The following NAA40 variants were observed in gnomAD, a reference collection of about 807,000 sequenced individuals.
The protein encoded by NAA40 is N-alpha-acetyltransferase 40.
In NAA40, 26 loss-of-function variants were observed where a neutral mutation model predicts 36.6. The ratio of observed to expected loss-of-function variants is 0.71; its 90% CI spans 0.52 to 0.98. The LOEUF is 0.98. Among genes scored for constraint, NAA40 ranks in the 50% least tolerant of loss-of-function variants. The probability of loss-of-function intolerance (pLI) is 0.00; values close to 1 mark genes in which losing one functional copy is unlikely to be tolerated. For synonymous variants in NAA40, 129 were observed against 108.4 expected, an observed-to-expected ratio of 1.19 and a Z score of -1.18; for missense variants, 237 against 306.5, an observed-to-expected ratio of 0.77 and a Z score of 1.69.
rs1278673521 is a variant in NAA40, at chr11:63,957,212, A to ATATATATATATT, written c.*2734_*2735insATATATATATTT. The stretch of plus-strand genomic sequence containing the variant: ...CCTTGATATATATATATATATATAT[A>ATATATATATATT]TTTTTTTTTTTCTTTAGCAGCTTGT... On this transcript the variant is annotated 3_prime_UTR_variant, in exon 8 of 8. Transcript: ENST00000377793. 6.2e-5 allele frequency: 4 copies of ATATATATATATT among 64,300 alleles called. No individual in the cohort carries two copies. Among genetic ancestry groups the ATATATATATATT allele is most frequent in the African/African-American group, 1.7e-4 (4 of 23,942 alleles). The allele number at this position is 64,300 out of a possible 1,614,324, so 4.0% of individuals were successfully genotyped here.
intron 3 of NAA40, among the ~76,000 whole-genome samples, chr11:63,949,660 C>G (rs1250858704): frequency 6.6e-6 from 1 of 151,660 alleles, no homozygotes; most frequent in Non-Finnish European, 1.5e-5. Flanking sequence ...TTCTTAATAA[C>G]TCTACTTGGA....
chr11:63,950,584 G>A (rs1007307314), intron 3 of NAA40, among the ~76,000 whole-genome samples: 7 of 151,670 alleles, frequency 4.6e-5, no homozygotes, highest in Non-Finnish European at 8.8e-5. Context: ...TGCCTCAGCC[G>A]CCGGAGTAGC....
intron 3 of NAA40, among the ~76,000 whole-genome samples, chr11:63,950,285 AT>A (rs777814278): frequency 7.7e-4 from 117 of 151,434 alleles, no homozygotes; most frequent in Non-Finnish European, 1.1e-3. Context: ...CGCCCTGCTA[AT>A]TTTTGTATTT....
chr11:63,952,907 C>G, intron 6 of NAA40, 68 bp downstream of exon 6: 1 of 1,399,028 alleles, frequency 7.1e-7, no homozygotes, highest in Non-Finnish European at 1.0e-6. Context: ...GAGGCACTTG[C>G]CATTCTTTGA....
At chr11:63,946,477 T>A in intron 2 of NAA40, 1 of 1,088,470 alleles carries the variant, frequency 9.2e-7, no homozygotes, top group Non-Finnish European at 1.1e-6. Flanking sequence ...AGTGCTGGGA[T>A]TACAGGCGTG....
At chr11:63,941,102 C>T (rs728919) in intron 1 of NAA40, among the ~76,000 whole-genome samples, 78,760 of 152,088 alleles carry the variant, frequency 0.52, 21,924 homozygotes, top group East Asian at 0.87. Flanking sequence ...GCGATCCTTG[C>T]TTCCTTTAGG....
intron 3 of NAA40, among the ~76,000 whole-genome samples, chr11:63,951,092 C>T (rs1054480269): frequency 6.6e-6 from 1 of 152,106 alleles, no homozygotes; most frequent in African/African-American, 2.4e-5. Context: ...GATGGGATTC[C>T]AGTGCGTACA....
rs1380774654 is a variant in NAA40, at chr11:63,955,666, T to A, written c.*1187T>A. On this transcript the variant is annotated 3_prime_UTR_variant, in exon 8 of 8. Coordinates refer to ENST00000377793, the MANE Select transcript of NAA40 (RefSeq NM_024771.4). Reference sequence around the variant, plus strand: ...AGAAATGCCTCTCAGTGGCCAACAGTTGCTTTTCTCTCTGGTGTCACCCTG... The same window carrying A: ...AGAAATGCCTCTCAGTGGCCAACAGATGCTTTTCTCTCTGGTGTCACCCTG... 1 of 152,460 alleles carries A rather than the reference T, an allele frequency of 6.6e-6. No homozygotes were observed. Among genetic ancestry groups the A allele is most frequent in the Non-Finnish European group, 1.5e-5 (1 of 68,090 alleles). The allele number at this position is 152,460 out of a possible 1,614,324, so 9.4% of individuals were successfully genotyped here. A position where few individuals can be genotyped will look rare whatever the true frequency, so the allele number is the denominator to read the frequency against.
intron 6 of NAA40, among the ~76,000 whole-genome samples, chr11:63,953,260 G>A (rs1021811739): frequency 6.6e-6 from 1 of 151,960 alleles, no homozygotes; most frequent in Non-Finnish European, 1.5e-5. Context: ...GTTAAGGCTG[G>A]TCTCGAACTC....
intron 3 of NAA40, among the ~76,000 whole-genome samples, chr11:63,949,116 A>G (rs918005083): frequency 6.6e-6 from 1 of 151,930 alleles, no homozygotes; most frequent in Admixed American, 6.6e-5. Context: ...AGCCTGGGAG[A>G]TGCAGGCTGC....
In NAA40 at chr11:63,957,059, T is replaced by G. The variant is rs1323077254; in HGVS notation, c.*2580T>G. ...TTTGTTTGGAGCATGTTAAGATTTT[T>G]TTAAGATTTTTAAAATTTTAGTTAT... On this transcript the variant is annotated 3_prime_UTR_variant, in exon 8 of 8. Coordinates refer to ENST00000377793, the MANE Select transcript of NAA40 (RefSeq NM_024771.4). 1 of 151,932 alleles carries G rather than the reference T, an allele frequency of 6.6e-6. No homozygotes were observed. The highest frequency in any genetic ancestry group is 2.4e-5 in the African/African-American group (1 of 41,388). The allele number at this position is 151,932 out of a possible 1,614,324, so 9.4% of individuals were successfully genotyped here. A position where few individuals can be genotyped will look rare whatever the true frequency, so the allele number is the denominator to read the frequency against.
At chr11:63,939,653 A>C in intron 1 of NAA40, 1 of 189,116 alleles carries the variant, frequency 5.3e-6, no homozygotes, top group South Asian at 1.8e-4. Flanking sequence ...AAACCTCTCC[A>C]CCAGGTTCCT....
rs1213464848 is a variant in NAA40, at chr11:63,955,068, A to ATTTTATGGATTTATGGAT, written c.*591_*592insTTATGGATTTATGGATTT. The ATTTTATGGATTTATGGAT allele has an allele frequency of 2.0e-5, 3 of 152,602 alleles. No individual in the cohort carries two copies. The highest frequency in any genetic ancestry group is 2.0e-4 in the Admixed American group (3 of 15,276). The allele number at this position is 152,602 out of a possible 1,614,324, so 9.5% of individuals were successfully genotyped here. On this transcript the variant is annotated 3_prime_UTR_variant, in exon 8 of 8. Coordinates refer to ENST00000377793, the MANE Select transcript of NAA40 (RefSeq NM_024771.4). ...AAGCTCTTTCCAGCTGTTTTTATGG[A>ATTTTATGGATTTATGGAT]TTCATGGAGTGGGCTCATGTTGGGA...
intron 6 of NAA40, 65 bp from the exon 7 acceptor site, chr11:63,953,907 G>A: frequency 1.4e-6 from 2 of 1,427,418 alleles, no homozygotes; most frequent in South Asian, 2.3e-5. Context: ...TGGGATTACA[G>A]GTGCATGCCA....
chr11:63,939,261 C>T lies in NAA40; in HGVS notation c.6+159C>T, dbSNP rs111454620. On this transcript the variant is annotated intron_variant, in intron 1 of 7. Transcript: ENST00000377793. The stretch of plus-strand genomic sequence containing the variant: ...CCCGACTCCCCCATTCTAAGGGTCC[C>T]TACGCTAGGCCTAGCCCGGGAATCC... 36 of 1,310,542 alleles carry T rather than the reference C, an allele frequency of 2.7e-5. No individual in the cohort carries two copies. In the African/African-American group the frequency reaches 3.6e-4, roughly 13 times the overall value. 81.2% of individuals were successfully genotyped at this position (1,310,542 alleles called of 1,614,324 possible).
chr11:63,940,646 T>C (rs1942094491), intron 1 of NAA40, among the ~76,000 whole-genome samples: 1 of 152,206 alleles, frequency 6.6e-6, no homozygotes, highest in Non-Finnish European at 1.5e-5. Flanking sequence ...TAAAATGGAT[T>C]TGTGCTATTT....
In NAA40 at chr11:63,953,074, G is replaced by A. The variant is rs1590759659; in HGVS notation, c.494+235G>A. Among the ~76,000 whole-genome samples the A allele has an allele frequency of 2.4e-5, 3 of 123,140 alleles. No homozygotes were observed. In the Admixed American group the frequency reaches 2.9e-4, roughly 12 times the overall value. 80.8% of individuals were successfully genotyped at this position (123,140 alleles called of 152,430 possible). On this transcript the variant is annotated intron_variant, in intron 6 of 7. Transcript: ENST00000377793. ...TTTTTTTTTTTTTTTTTGAGACAGA[G>A]TTTCACTCTTGTTGCCCGGGCTGGA...
At chr11:63,943,348 A>G (rs1000517014) in intron 1 of NAA40, among the ~76,000 whole-genome samples, 1 of 152,154 alleles carries the variant, frequency 6.6e-6, no homozygotes, top group Non-Finnish European at 1.5e-5. Flanking sequence ...CTGTGTTGGC[A>G]CGCTGTTACC....
chr11:63,953,528 CAGAGGCT>C (rs1185165860), intron 6 of NAA40, among the ~76,000 whole-genome samples: 4 of 151,234 alleles, frequency 2.6e-5, no homozygotes, highest in African/African-American at 9.9e-5. Flanking sequence ...CCAAGACCTC[CAGAGGCT>C]AGAGGCCAAA....
Sources: gnomAD v4.1 joint callset for allele counts (sites outside exome capture counted in the v4.1 genomes callset) on GRCh38, gnomAD v4.1.1 for gene constraint, MANE v1.5 for transcripts, NCBI Gene and HGNC (gene_info 2026-07-23, HGNC 2026-07-21) for gene names.